Variants in FOXP1 observed in about 807,000 individuals in gnomAD.
FOXP1 encodes forkhead box P1, also known as forkhead box protein P1.
A neutral mutation model predicts 98.2 loss-of-function variants in FOXP1; 15 were observed. The ratio of observed to expected loss-of-function variants is 0.15; its 90% CI spans 0.10 to 0.24. The LOEUF is 0.24. Ranked by LOEUF, FOXP1 falls within the 10% of genes least tolerant of loss-of-function variation. The pLI, the probability that FOXP1 is intolerant of heterozygous loss-of-function variation, is 1.00. For synonymous variants in FOXP1, 371 were observed against 314.5 expected, an observed-to-expected ratio of 1.18 and a Z score of -1.90; for missense variants, 633 against 848.5, an observed-to-expected ratio of 0.75 and a Z score of 3.15.
chr3:71,549,174 T>C (rs1438895054), intron 2 of FOXP1, among the ~76,000 whole-genome samples: 1 of 152,152 alleles, frequency 6.6e-6, no homozygotes. Flanking sequence ...CTATATATGA[T>C]GCAACTCAAC....
In FOXP1 at chr3:71,201,290, C is replaced by T. The variant is rs572880045; in HGVS notation, c.-11-2898G>A. 1.2e-4 allele frequency among the ~76,000 whole-genome samples: 18 copies of T among 152,250 alleles called. No homozygotes were observed. The South Asian group carries it at 2.7e-3, about 23-fold the overall frequency. ...CCAAAAAAGAAATGAATTAGTGAAA[C>T]CTAGGTACTTTTCCCTGGGCGTTTC... On this transcript the variant is annotated intron_variant, in intron 5 of 20. Coordinates refer to ENST00000649528, the MANE Select transcript of FOXP1 (RefSeq NM_001349338.3).
Position 71,583,562 on chromosome 3 carries a change from C to G in FOXP1, c.-447+9G>C. ...AAAGTGGAGCAGAAATGGAAAAATA[C>G]AAACTCACCCGCTGCAAATGGTCTC... On this transcript the variant is annotated intron_variant, in intron 1 of 20. Coordinates refer to ENST00000649528, the MANE Select transcript of FOXP1 (RefSeq NM_001349338.3). The G allele has an allele frequency of 1.0e-6, 1 of 977,632 alleles. No individual in the cohort carries two copies. Among genetic ancestry groups the G allele is most frequent in the Non-Finnish European group, 1.2e-6 (1 of 828,580 alleles). The allele number at this position is 977,632 out of a possible 1,614,324, so 60.6% of individuals were successfully genotyped here. A position where few individuals can be genotyped will look rare whatever the true frequency, so the allele number is the denominator to read the frequency against.
At chr3:71,208,540 G>C (rs2064218128) in intron 5 of FOXP1, among the ~76,000 whole-genome samples, 1 of 151,918 alleles carries the variant, frequency 6.6e-6, no homozygotes, top group Non-Finnish European at 1.5e-5. Flanking sequence ...TTAAGTTTGT[G>C]TGTGTGTGTG....
intron 4 of FOXP1, among the ~76,000 whole-genome samples, chr3:71,322,204 CGCT>C (rs1223581581): frequency 2.0e-5 from 3 of 152,114 alleles, no homozygotes; most frequent in African/African-American, 7.2e-5. Context: ...AAAACTAGGC[CGCT>C]GCCCTCAAGA....
chr3:71,484,805 A>T (rs1005191605), intron 3 of FOXP1, among the ~76,000 whole-genome samples: 1 of 152,150 alleles, frequency 6.6e-6, no homozygotes, highest in Non-Finnish European at 1.5e-5. Context: ...CAGTGCTGAG[A>T]TGACACTTTG....
At chr3:71,380,768 A>G (rs941067075) in intron 3 of FOXP1, among the ~76,000 whole-genome samples, 2 of 141,502 alleles carry the variant, frequency 1.4e-5, no homozygotes, top group African/African-American at 5.3e-5. Flanking sequence ...CTCTTACTGA[A>G]TATGCATCTC....
chr3:71,030,937 T>C (rs2046787221), intron 11 of FOXP1, among the ~76,000 whole-genome samples: 1 of 152,194 alleles, frequency 6.6e-6, no homozygotes, highest in Admixed American at 6.5e-5. Context: ...TACCACAATG[T>C]TTCTATCAAT....
rs545883450 is a variant in FOXP1, at chr3:71,202,942, A to G, written c.-11-4550T>C. On this transcript the variant is annotated intron_variant, in intron 5 of 20. Coordinates refer to ENST00000649528, the MANE Select transcript of FOXP1 (RefSeq NM_001349338.3). The stretch of plus-strand genomic sequence containing the variant: ...CGTTGCACCCTCTTTTCTTCGAGGA[A>G]GCTTGTCTCAGGCACCCGGTATGCA... Among the ~76,000 whole-genome samples, 3 of 152,306 alleles carry G rather than the reference A, an allele frequency of 2.0e-5. No individual in the cohort carries two copies. In the South Asian group the frequency reaches 6.2e-4, roughly 32 times the overall value.
At chr3:71,442,570 C>G (rs1300651372) in intron 3 of FOXP1, among the ~76,000 whole-genome samples, 1 of 152,220 alleles carries the variant, frequency 6.6e-6, no homozygotes, top group African/African-American at 2.4e-5. Flanking sequence ...GAGGTCCTCT[C>G]TGTCGTCAGT....
At chr3:71,203,938 GAGGAAGGAAGGAAGGAAGGA>G (rs3033228) in intron 5 of FOXP1, among the ~76,000 whole-genome samples, 49 of 131,446 alleles carry the variant, frequency 3.7e-4, no homozygotes, top group East Asian at 3.1e-3. Context: ...GAAAAGGAAG[GAGGAAGGAAGGAAGGAAGGA>G]AGGAAGGAAG....
chr3:71,240,933 G>A (rs2067222104), intron 5 of FOXP1, among the ~76,000 whole-genome samples: 1 of 151,820 alleles, frequency 6.6e-6, no homozygotes, highest in Admixed American at 6.6e-5. Flanking sequence ...TACCTTCGCT[G>A]GGCGCGGTTT....
intron 5 of FOXP1, among the ~76,000 whole-genome samples, chr3:71,246,486 C>G (rs1327894572): frequency 4.6e-5 from 7 of 152,184 alleles, no homozygotes; most frequent in Non-Finnish European, 1.5e-5. Context: ...TAGCCTGGAA[C>G]CTCTGGGCTG....
rs540585923 is a variant in FOXP1 at position 71,229,732 on chromosome 3, T to TA, written c.-11-31341dup. Among the ~76,000 whole-genome samples, 325 of 151,374 alleles carry TA rather than the reference T, an allele frequency of 2.1e-3. 9 individuals are homozygous for TA. The South Asian group carries it at 0.06, about 28-fold the overall frequency. On this transcript the variant is annotated intron_variant, in intron 5 of 20. Transcript: ENST00000649528. Reference sequence around the variant, plus strand: ...ATGTCAAGAATGGAGCTTTGAAATTTAAAAAAAAATAAAATAAACGCCGGA... The same window carrying TA: ...ATGTCAAGAATGGAGCTTTGAAATTTAAAAAAAAAATAAAATAAACGCCGGA...
intron 5 of FOXP1, among the ~76,000 whole-genome samples, chr3:71,264,281 A>G (rs1272063981): frequency 1.3e-5 from 2 of 152,200 alleles, no homozygotes; most frequent in East Asian, 3.8e-4. Flanking sequence ...CTTGCCCTGG[A>G]ATGACTTCTA....
rs555956361 is a variant in FOXP1, at chr3:71,020,678, C to T, written c.870-5025G>A. Reference sequence around the variant, plus strand: ...TTGCTATCTGCCAAGCCATTTCCTGCCAACTGAAATGCCAGTTTTCCCTTC... The same window carrying T: ...TTGCTATCTGCCAAGCCATTTCCTGTCAACTGAAATGCCAGTTTTCCCTTC... On this transcript the variant is annotated intron_variant, in intron 11 of 20. Coordinates refer to ENST00000649528, the MANE Select transcript of FOXP1 (RefSeq NM_001349338.3). Among the ~76,000 whole-genome samples, 23 of 152,314 alleles carry T rather than the reference C, an allele frequency of 1.5e-4. No homozygotes were observed. The South Asian group carries it at 4.3e-3, about 29-fold the overall frequency.
At chr3:71,282,790 A>T (rs1339977044) in intron 5 of FOXP1, among the ~76,000 whole-genome samples, 1 of 152,148 alleles carries the variant, frequency 6.6e-6, no homozygotes, top group Non-Finnish European at 1.5e-5. Context: ...CGTTTCACAG[A>T]TGGGGACAAT....
intron 6 of FOXP1, among the ~76,000 whole-genome samples, chr3:71,144,949 T>C (rs947794440): frequency 1.3e-5 from 2 of 152,202 alleles, no homozygotes; most frequent in Non-Finnish European, 2.9e-5. Flanking sequence ...TCTTTGGAGA[T>C]TGGCTTTTTT....
intron 18 of FOXP1, chr3:70,971,954 C>A: frequency 7.6e-7 from 1 of 1,316,940 alleles, no homozygotes; most frequent in Non-Finnish European, 9.8e-7. Context: ...ATGAGTCAAC[C>A]ATGCAAAGCC....
chr3:71,465,062 C>G (rs1215618598), intron 3 of FOXP1, among the ~76,000 whole-genome samples: 2 of 152,064 alleles, frequency 1.3e-5, no homozygotes, highest in Non-Finnish European at 2.9e-5. Context: ...AATCCCAGCA[C>G]TTTGGGAGTC....
Sources: gnomAD v4.1 joint callset for allele counts (sites outside exome capture counted in the v4.1 genomes callset) on GRCh38, gnomAD v4.1.1 for gene constraint, MANE v1.5 for transcripts, NCBI Gene and HGNC (gene_info 2026-07-23, HGNC 2026-07-21) for gene names.